Variants in SLC39A14 observed in about 807,000 individuals in gnomAD.
The protein encoded by SLC39A14 is metal cation symporter ZIP14.
In SLC39A14, 19 loss-of-function variants were observed where a neutral mutation model predicts 45.5. The ratio of observed to expected loss-of-function variants is 0.42; its 90% CI spans 0.29 to 0.61. The LOEUF is 0.61. Ranked by LOEUF, SLC39A14 falls within the 20% of genes least tolerant of loss-of-function variation. The probability of loss-of-function intolerance (pLI) is 0.22; values close to 1 mark genes in which losing one functional copy is unlikely to be tolerated. For missense variants in SLC39A14, 447 were observed against 616.5 expected, an observed-to-expected ratio of 0.73 and a Z score of 2.91; for synonymous variants, 264 against 251.3, an observed-to-expected ratio of 1.05 and a Z score of -0.48.
At chr8:22,392,428 ATTCT>A (rs1180467256) in intron 1 of SLC39A14, among the ~76,000 whole-genome samples, 7 of 152,118 alleles carry the variant, frequency 4.6e-5, no homozygotes, top group African/African-American at 1.7e-4. Flanking sequence ...CCACTAGATC[ATTCT>A]TTCTATTTAT....
intron 5 of SLC39A14, chr8:22,415,155 A>G: frequency 2.2e-6 from 1 of 445,582 alleles, no homozygotes; most frequent in Non-Finnish European, 3.9e-6. Context: ...TTTTGTTCTA[A>G]GATTATTTCC....
intron 6 of SLC39A14, 49 bp downstream of exon 6, chr8:22,416,006 G>T: frequency 1.2e-6 from 2 of 1,605,584 alleles, no homozygotes; most frequent in Non-Finnish European, 1.7e-6. Context: ...GGTTGACTCA[G>T]GCTTACCTTG....
At chr8:22,415,443 C>T in intron 5 of SLC39A14, 1 of 249,718 alleles carries the variant, frequency 4.0e-6, no homozygotes, top group South Asian at 6.4e-5. Flanking sequence ...ACACCAGGTC[C>T]TTCGCACTTG....
chr8:22,382,619 C>T lies in SLC39A14; in HGVS notation c.-16+15211C>T, dbSNP rs532169083. ...CCCAGGAGTTGAAGGCTGTAGGGAG[C>T]TATGATCCGGGCACTGCACTACAGC... is the stretch of plus-strand genomic sequence containing the variant. On this transcript the variant is annotated intron_variant, in intron 1 of 8. Coordinates refer to ENST00000381237, the MANE Select transcript of SLC39A14 (RefSeq NM_001128431.4). Among the ~76,000 whole-genome samples, 4 of 152,256 alleles carry T rather than the reference C, an allele frequency of 2.6e-5. No homozygotes were observed. In the South Asian group the frequency reaches 8.3e-4, roughly 32 times the overall value.
intron 7 of SLC39A14, among the ~76,000 whole-genome samples, chr8:22,416,490 T>A (rs1417199145): frequency 6.6e-6 from 1 of 152,108 alleles, no homozygotes; most frequent in East Asian, 1.9e-4. Context: ...AGTGATGTGA[T>A]CTCGGCTCAC....
chr8:22,426,288 T>G (rs1836386354), downstream of SLC39A14, among the ~76,000 whole-genome samples: 1 of 152,106 alleles, frequency 6.6e-6, no homozygotes, highest in Non-Finnish European at 1.5e-5. Context: ...CTCAATCTCC[T>G]GGGCTCAAGT....
chr8:22,431,266 C>T (rs1009450119), intron 8 of SLC39A14, among the ~76,000 whole-genome samples: 16 of 152,166 alleles, frequency 1.1e-4, no homozygotes, highest in Admixed American at 6.6e-4. Context: ...GGATTACAGA[C>T]GTGAGCCACC....
rs763751050 is a variant in SLC39A14, at chr8:22,412,047, C to T, written c.468C>T (p.Tyr156=). ...GRPSAVEVWG[Y]GLLCVTVISL... is the part of the protein sequence containing the mutation. ...CCCTCCGCACGGCAGTGTGGGGATA[C>T]GGTCTCCTCTGTGTGACCGTCATCT... is the stretch of plus-strand genomic sequence containing the variant. Residue 156 remains tyrosine, a synonymous_variant, in exon 4 of 9, where the codon TAC becomes TAT. Coordinates refer to ENST00000381237, the MANE Select transcript of SLC39A14 (RefSeq NM_001128431.4). 2.3e-5 allele frequency: 36 copies of T among 1,550,784 alleles called. No individual in the cohort carries two copies. Among genetic ancestry groups the T allele is most frequent in the African/African-American group, 1.6e-4 (12 of 73,048 alleles).
chr8:22,394,204 A>C (rs978772037), intron 1 of SLC39A14, among the ~76,000 whole-genome samples: 1 of 149,868 alleles, frequency 6.7e-6, no homozygotes, highest in African/African-American at 2.5e-5. Flanking sequence ...GCGGGGTTTC[A>C]CCATGTTGGC....
Position 22,422,486 on chromosome 8 carries a change from A to T in SLC39A14, c.*2788A>T, listed in dbSNP as rs1184945804. On this transcript the variant is annotated 3_prime_UTR_variant, in exon 9 of 9. Transcript: ENST00000381237. ...TATGCTGGGCATCTACTTTAAAACA[A>T]AGTTGTCTGATTTTTGCAAGAGAGG... The T allele has an allele frequency of 1.0e-6, 1 of 985,736 alleles. No homozygotes were observed. The highest frequency in any genetic ancestry group is 4.7e-5 in the South Asian group (1 of 21,286). The allele number at this position is 985,736 out of a possible 1,614,324, so 61.1% of individuals were successfully genotyped here.
At chr8:22,394,764 AG>A (rs1039668400) in intron 1 of SLC39A14, among the ~76,000 whole-genome samples, 2 of 152,052 alleles carry the variant, frequency 1.3e-5, no homozygotes, top group African/African-American at 4.8e-5. Context: ...CCCCCTAGGA[AG>A]GGGACTATAT....
intron 1 of SLC39A14, among the ~76,000 whole-genome samples, chr8:22,397,839 G>A (rs577275370): frequency 6.6e-6 from 1 of 152,270 alleles, no homozygotes; most frequent in East Asian, 1.9e-4. Flanking sequence ...TGGAGAAAGC[G>A]CAGTCTGCTT....
chr8:22,428,295 C>A (rs1408157902), intron 8 of SLC39A14, among the ~76,000 whole-genome samples: 1 of 152,022 alleles, frequency 6.6e-6, no homozygotes, highest in Admixed American at 6.6e-5. Context: ...GAAACTCTGT[C>A]TCAAAAATAA....
chr8:22,415,062 G>A, intron 5 of SLC39A14, 160 bp downstream of exon 5: 1 of 889,626 alleles, frequency 1.1e-6, no homozygotes, highest in Non-Finnish European at 1.7e-6. Context: ...CACCTCCTGA[G>A]GATATTTGGC....
At chr8:22,387,486 C>G (rs1490081209) in intron 1 of SLC39A14, among the ~76,000 whole-genome samples, 1 of 152,100 alleles carries the variant, frequency 6.6e-6, no homozygotes, top group Non-Finnish European at 1.5e-5. Context: ...GGCAGGCAGG[C>G]AGTTTGCAGG....
rs1193845414 is a variant in SLC39A14 at position 22,415,553 on chromosome 8, C to T, written c.751-216C>T. On this transcript the variant is annotated intron_variant, in intron 5 of 8. Transcript: ENST00000381237. ...TCAAGCAGTCCTCCCACCTCGGCCT[C>T]CCACAGTGCTGGGATTACAGGTGTG... 9 of 490,010 alleles carry T rather than the reference C, an allele frequency of 1.8e-5. No homozygotes were observed. The East Asian group carries it at 3.4e-4, about 19-fold the overall frequency. The allele number at this position is 490,010 out of a possible 1,614,324, so 30.4% of individuals were successfully genotyped here. A position where few individuals can be genotyped will look rare whatever the true frequency, so the allele number is the denominator to read the frequency against.
chr8:22,428,906 T>C (rs1482739073), intron 8 of SLC39A14, among the ~76,000 whole-genome samples: 1 of 152,198 alleles, frequency 6.6e-6, no homozygotes, highest in East Asian at 1.9e-4. Context: ...TTGGTAATTT[T>C]TGAGCAAACG....
At chr8:22,394,007 G>C (rs1834227870) in intron 1 of SLC39A14, among the ~76,000 whole-genome samples, 2 of 136,368 alleles carry the variant, frequency 1.5e-5, no homozygotes, top group African/African-American at 2.9e-5. Flanking sequence ...TATCTGAAGG[G>C]GTGTTTTTTT....
downstream of SLC39A14, among the ~76,000 whole-genome samples, chr8:22,424,118 T>C (rs1156488180): frequency 6.6e-5 from 10 of 152,202 alleles, no homozygotes; most frequent in Admixed American, 6.5e-4. Context: ...TCGGAGGCTG[T>C]GATCTCACTG....
Sources: allele counts gnomAD v4.1 joint callset (sites outside exome capture counted in the v4.1 genomes callset), GRCh38; gene constraint gnomAD v4.1.1; transcripts MANE v1.5; gene names NCBI Gene and HGNC (gene_info 2026-07-23, HGNC 2026-07-21).